The following NYAP2 variants were observed in gnomAD, a reference collection of about 807,000 sequenced individuals.
NYAP2 encodes neuronal tyrosine-phosphorylated phosphoinositide-3-kinase adapter 2.
In NYAP2, 23 loss-of-function variants were observed where a neutral mutation model predicts 50.4. The ratio of observed to expected loss-of-function variants is 0.46; its 90% CI spans 0.33 to 0.65. The LOEUF is 0.65. Ranked by LOEUF, NYAP2 falls within the 30% of genes least tolerant of loss-of-function variation. NYAP2 has a pLI of 0.02. For synonymous variants in NYAP2, 394 were observed against 365.2 expected, an observed-to-expected ratio of 1.08 and a Z score of -0.90; for missense variants, 885 against 861.0, an observed-to-expected ratio of 1.03 and a Z score of -0.35.
rs1257306228 is a variant in NYAP2, at chr2:225,426,098, G to A, written c.221+16997G>A. ...AATTTAAAAATTATAACATCCCCTA[G>A]AAAATTAGTTACATGTTATACTTTG... On this transcript the variant is annotated intron_variant, in intron 3 of 6. Coordinates refer to ENST00000636099, the Ensembl canonical transcript of NYAP2. Among the ~76,000 whole-genome samples the A allele has an allele frequency of 3.3e-5, 5 of 151,098 alleles. No individual in the cohort carries two copies. The East Asian group carries it at 9.7e-4, about 29-fold the overall frequency.
At chr2:225,591,218 G>A (rs1020863341) in intron 5 of NYAP2, among the ~76,000 whole-genome samples, 1 of 152,198 alleles carries the variant, frequency 6.6e-6, no homozygotes, top group African/African-American at 2.4e-5. Context: ...GTAACTCACA[G>A]GCAATAGGAG....
the NYAP2 span, among the ~76,000 whole-genome samples, chr2:225,670,911 G>T: frequency 6.6e-6 from 1 of 152,008 alleles, no homozygotes; most frequent in Non-Finnish European, 1.5e-5. Flanking sequence ...TAAACATTGT[G>T]TCTAAACAAT....
At chr2:225,612,892 G>A (rs2106248674) in intron 5 of NYAP2, among the ~76,000 whole-genome samples, 1 of 49,046 alleles carries the variant, frequency 2.0e-5, no homozygotes, top group African/African-American at 5.0e-5. Context: ...TGGGGAGGGG[G>A]TGTGGCTCAC....
intron 4 of NYAP2, among the ~76,000 whole-genome samples, chr2:225,547,264 AT>A (rs1691600904): frequency 6.6e-6 from 1 of 151,994 alleles, no homozygotes. Context: ...AGGCCTAGCA[AT>A]TTACTCCACT....
intron 6 of NYAP2, among the ~76,000 whole-genome samples, chr2:225,645,067 T>G (rs1574727912): frequency 6.6e-6 from 1 of 152,044 alleles, no homozygotes; most frequent in Non-Finnish European, 1.5e-5. Flanking sequence ...CGAGACCAGC[T>G]TGGCCAACAT....
At chr2:225,539,676 C>A (rs1405949239) in intron 4 of NYAP2, among the ~76,000 whole-genome samples, 1 of 151,792 alleles carries the variant, frequency 6.6e-6, no homozygotes, top group Non-Finnish European at 1.5e-5. Context: ...CCTTTGACCA[C>A]TTTTTGTTGG....
chr2:225,521,221 A>C (rs1691050575), intron 4 of NYAP2, among the ~76,000 whole-genome samples: 2 of 152,012 alleles, frequency 1.3e-5, no homozygotes, highest in Middle Eastern at 3.4e-3. Flanking sequence ...ATCTGCAAAC[A>C]GGGACAATTT....
chr2:225,645,405 C>A (rs1445216846), intron 6 of NYAP2, among the ~76,000 whole-genome samples: 4 of 151,024 alleles, frequency 2.6e-5, no homozygotes, highest in Non-Finnish European at 5.9e-5. Flanking sequence ...GTGTTCCTCC[C>A]TCCTTCTCTC....
the NYAP2 span, among the ~76,000 whole-genome samples, chr2:225,661,779 A>AGT: frequency 6.7e-6 from 1 of 149,480 alleles, no homozygotes; most frequent in Admixed American, 6.7e-5. Flanking sequence ...GCCGGAGTGC[A>AGT]GTGGCATGAT....
chr2:225,599,511 C>T (rs576453822), intron 5 of NYAP2, among the ~76,000 whole-genome samples: 1 of 152,292 alleles, frequency 6.6e-6, no homozygotes, highest in African/African-American at 2.4e-5. Context: ...GCACACTGGG[C>T]CTCCATCAGG....
intron 3 of NYAP2, among the ~76,000 whole-genome samples, chr2:225,414,139 A>G (rs983526701): frequency 1.3e-5 from 2 of 152,186 alleles, no homozygotes; most frequent in Non-Finnish European, 2.9e-5. Context: ...TTATTTTTCA[A>G]CTAACTTGAG....
At chr2:225,545,478 A>C (rs1306930012) in intron 4 of NYAP2, among the ~76,000 whole-genome samples, 1 of 152,000 alleles carries the variant, frequency 6.6e-6, no homozygotes, top group Non-Finnish European at 1.5e-5. Flanking sequence ...AGTGACTCTG[A>C]TACATTCTTC....
At chr2:225,549,850 T>G (rs1028726366) in intron 4 of NYAP2, among the ~76,000 whole-genome samples, 1 of 151,968 alleles carries the variant, frequency 6.6e-6, no homozygotes, top group Non-Finnish European at 1.5e-5. Flanking sequence ...CTGGGTATGG[T>G]GGCGTGCACC....
intron 4 of NYAP2, among the ~76,000 whole-genome samples, chr2:225,536,700 T>A (rs554759212): frequency 1.7e-4 from 26 of 152,278 alleles, no homozygotes; most frequent in Non-Finnish European, 2.5e-4. Flanking sequence ...TAGTTTTTTT[T>A]AAATGTACTA....
rs146558517 is a variant in NYAP2, at chr2:225,440,062, C to A, written c.221+30961C>A. ...ACTAGAACAGCATGTGGGAACCACA[C>A]CCATGATTCAATTACCTCCACATGG... is the stretch of plus-strand genomic sequence containing the variant. On this transcript the variant is annotated intron_variant, in intron 3 of 6. Transcript: ENST00000636099. Among the ~76,000 whole-genome samples the A allele has an allele frequency of 4.7e-3, 718 of 152,288 alleles. 6 individuals are homozygous for A. The highest frequency in any genetic ancestry group is 0.016 in the African/African-American group (669 of 41,552).
chr2:225,666,573 C>T, the NYAP2 span, among the ~76,000 whole-genome samples: 1 of 151,964 alleles, frequency 6.6e-6, no homozygotes, highest in Non-Finnish European at 1.5e-5. Flanking sequence ...AGGTAAATTT[C>T]AACATTTTTT....
intron 3 of NYAP2, among the ~76,000 whole-genome samples, chr2:225,496,770 T>C (rs1307541427): frequency 6.6e-6 from 1 of 152,200 alleles, no homozygotes; most frequent in Non-Finnish European, 1.5e-5. Flanking sequence ...TAAATTTAAA[T>C]GTGCTCTCAG....
In NYAP2 at chr2:225,513,308, G is replaced by A. The variant is rs1340565689; in HGVS notation, c.222-63G>A. ...TTCCCTATTAGTAATATTCTCACAT[G>A]TATGATCTTGTATATCCTGGCTCCT... On this transcript the variant is annotated intron_variant, in intron 3 of 6. Coordinates refer to ENST00000636099, the Ensembl canonical transcript of NYAP2. 9 of 1,468,088 alleles carry A rather than the reference G, an allele frequency of 6.1e-6. No individual in the cohort carries two copies. The South Asian group carries it at 1.1e-4, about 17-fold the overall frequency. The allele number at this position is 1,468,088 out of a possible 1,614,324, so 90.9% of individuals were successfully genotyped here.
intron 3 of NYAP2, among the ~76,000 whole-genome samples, chr2:225,453,171 C>A (rs532307111): frequency 9.0e-4 from 137 of 152,182 alleles, no homozygotes; most frequent in Middle Eastern, 3.4e-3. Flanking sequence ...ATTATTATAA[C>A]AAATAGAACT....
Sources: gnomAD v4.1 joint callset for allele counts (sites outside exome capture counted in the v4.1 genomes callset) on GRCh38, gnomAD v4.1.1 for gene constraint, MANE v1.5 for transcripts, NCBI Gene and HGNC (gene_info 2026-07-23, HGNC 2026-07-21) for gene names.